Variants in RFX3 observed in about 807,000 individuals in gnomAD.
The protein encoded by RFX3 is regulatory factor X3.
RFX3 carries 14 observed loss-of-function variants against 98.6 expected under a neutral mutation model. That is an observed-to-expected ratio of 0.14 (90% CI 0.09 to 0.22). The LOEUF is 0.22. Ranked by LOEUF, RFX3 falls within the 10% of genes least tolerant of loss-of-function variation. The pLI is 1.00. For synonymous variants in RFX3, 383 were observed against 328.4 expected, an observed-to-expected ratio of 1.17 and a Z score of -1.80; for missense variants, 639 against 926.9, an observed-to-expected ratio of 0.69 and a Z score of 4.03.
chr9:3,501,979 C>T (rs981443632), intron 1 of RFX3, among the ~76,000 whole-genome samples: 1 of 151,530 alleles, frequency 6.6e-6, no homozygotes, highest in Non-Finnish European at 1.5e-5. Flanking sequence ...CGGCCAGGCG[C>T]GGTGGCTCAC....
At chr9:3,384,598 T>C (rs999539836) in intron 2 of RFX3, among the ~76,000 whole-genome samples, 2 of 152,204 alleles carry the variant, frequency 1.3e-5, no homozygotes, top group African/African-American at 2.4e-5. Context: ...GCTCAGTAGA[T>C]TGTAGCTTCT....
chr9:3,328,273 C>CT (rs1676839891), intron 4 of RFX3, among the ~76,000 whole-genome samples: 3 of 152,060 alleles, frequency 2.0e-5, no homozygotes, highest in Non-Finnish European at 4.4e-5. Flanking sequence ...CTACTGCCAC[C>CT]ATTTTCTATC....
Position 3,348,809 on chromosome 9 carries a change from A to G in RFX3, c.118-2045T>C, listed in dbSNP as rs147236729. Among the ~76,000 whole-genome samples the G allele has an allele frequency of 6.1e-3, 928 of 152,186 alleles. 3 individuals are homozygous for G. The highest frequency in any genetic ancestry group is 9.9e-3 in the Non-Finnish European group (673 of 67,996). On this transcript the variant is annotated intron_variant, in intron 2 of 16. Coordinates refer to ENST00000617270, the MANE Select transcript of RFX3 (RefSeq NM_001282116.2). ...GCTAAAATTGTCCCATTGTTGGCCA[A>G]TGGTAGCCTCTTCTAACTAGTTCCT...
intron 1 of RFX3, among the ~76,000 whole-genome samples, chr9:3,417,857 T>C (rs1475749619): frequency 1.3e-5 from 2 of 152,148 alleles, no homozygotes; most frequent in Non-Finnish European, 2.9e-5. Context: ...GGGAAGAACA[T>C]ATGATTTGCT....
intron 13 of RFX3, among the ~76,000 whole-genome samples, chr9:3,260,487 G>T (rs933150980): frequency 6.6e-6 from 1 of 151,690 alleles, no homozygotes; most frequent in African/African-American, 2.4e-5. Context: ...AATGCTAACA[G>T]AACACTGAAA....
intron 4 of RFX3, among the ~76,000 whole-genome samples, chr9:3,320,698 G>C (rs972333032): frequency 4.1e-5 from 6 of 147,846 alleles, no homozygotes; most frequent in African/African-American, 1.2e-4. Flanking sequence ...GTACATATGT[G>C]TGTGTGCATA....
chr9:3,356,775 A>T (rs561559079), intron 2 of RFX3, among the ~76,000 whole-genome samples: 1 of 151,960 alleles, frequency 6.6e-6, no homozygotes, highest in Non-Finnish European at 1.5e-5. Context: ...CAGGACAATA[A>T]ATCATAATCA....
chr9:3,239,266 C>G (rs2130830313), intron 15 of RFX3, among the ~76,000 whole-genome samples: 1 of 152,322 alleles, frequency 6.6e-6, no homozygotes, highest in Non-Finnish European at 1.5e-5. Context: ...GGATTAACAA[C>G]ATTCCATTTG....
chr9:3,436,104 A>G lies in RFX3; in HGVS notation c.-8-40508T>C, dbSNP rs572956674. 2.0e-5 allele frequency among the ~76,000 whole-genome samples: 3 copies of G among 152,186 alleles called. No homozygotes were observed. In the South Asian group the frequency reaches 6.2e-4, roughly 32 times the overall value. On this transcript the variant is annotated intron_variant, in intron 1 of 16. Transcript: ENST00000617270. ...ATCTTTACACTAAAAAGTGTAAAGA[A>G]GTAAGAGACATCTAGATAGAAGCAA...
chr9:3,453,564 G>A (rs1846870100), intron 1 of RFX3: 1 of 152,494 alleles, frequency 6.6e-6, no homozygotes, highest in East Asian at 1.9e-4. Context: ...ACAAAAATTA[G>A]CCAGACATGG....
rs185410743 is a variant in RFX3 at position 3,444,849 on chromosome 9, T to C, written c.-8-49253A>G. ...GAAGCTGTCTGAACATGGAATGGAC[T>C]GCTTTGTAACATAAAGCTTTTTCTC... On this transcript the variant is annotated intron_variant, in intron 1 of 16. Coordinates refer to ENST00000617270, the MANE Select transcript of RFX3 (RefSeq NM_001282116.2). Among the ~76,000 whole-genome samples the C allele has an allele frequency of 1.7e-3, 253 of 152,356 alleles. 2 individuals carry two copies. Among genetic ancestry groups the C allele is most frequent in the Middle Eastern group, 3.4e-3 (1 of 294 alleles).
chr9:3,373,264 A>G (rs931496097), intron 2 of RFX3, among the ~76,000 whole-genome samples: 9 of 152,158 alleles, frequency 5.9e-5, no homozygotes, highest in Non-Finnish European at 1.3e-4. Context: ...ATTTTCTTAA[A>G]GCTCTTTTCC....
chr9:3,261,661 C>G (rs1372603430), intron 13 of RFX3, among the ~76,000 whole-genome samples: 1 of 152,008 alleles, frequency 6.6e-6, no homozygotes, highest in Non-Finnish European at 1.5e-5. Flanking sequence ...GGGTATACAA[C>G]AAGGAGTTGA....
chr9:3,511,352 G>A (rs775505392), intron 1 of RFX3, among the ~76,000 whole-genome samples: 16 of 151,766 alleles, frequency 1.1e-4, no homozygotes, highest in African/African-American at 3.4e-4. Flanking sequence ...CATGAATAAC[G>A]ATTTTTTTTT....
chr9:3,383,435 G>A (rs1474832900), intron 2 of RFX3, among the ~76,000 whole-genome samples: 1 of 151,978 alleles, frequency 6.6e-6, no homozygotes, highest in Non-Finnish European at 1.5e-5. Context: ...AGCTGTCAGA[G>A]GGCTTATAGC....
At chr9:3,336,077 C>G (rs761482631) in intron 3 of RFX3, among the ~76,000 whole-genome samples, 1 of 152,032 alleles carries the variant, frequency 6.6e-6, no homozygotes, top group Non-Finnish European at 1.5e-5. Context: ...ATAAGCTTGT[C>G]ACTATAAAAT....
intron 2 of RFX3, among the ~76,000 whole-genome samples, chr9:3,385,643 G>T (rs999721087): frequency 6.7e-5 from 10 of 149,948 alleles, no homozygotes; most frequent in African/African-American, 2.2e-4. Flanking sequence ...AGGAGGCAGA[G>T]GTTGCAGTGA....
At chr9:3,240,512 T>C (rs1819766743) in intron 15 of RFX3, among the ~76,000 whole-genome samples, 1 of 152,106 alleles carries the variant, frequency 6.6e-6, no homozygotes, top group Non-Finnish European at 1.5e-5. Context: ...ACAATCAGAG[T>C]GGCAGTGTAG....
intron 2 of RFX3, among the ~76,000 whole-genome samples, chr9:3,366,682 C>CCT (rs33979227): frequency 7.1e-5 from 5 of 69,966 alleles, no homozygotes; most frequent in Non-Finnish European, 1.2e-4. Flanking sequence ...CTCTTTCTTT[C>CCT]TTCTTTCTTT....
Sources: gnomAD v4.1 joint callset for allele counts (sites outside exome capture counted in the v4.1 genomes callset) on GRCh38, gnomAD v4.1.1 for gene constraint, MANE v1.5 for transcripts, NCBI Gene and HGNC (gene_info 2026-07-23, HGNC 2026-07-21) for gene names.